Variants in RHO observed in about 807,000 individuals in gnomAD.
RHO encodes rhodopsin, also known as opsin 2, rod pigment.
In RHO, 21 loss-of-function variants were observed where a neutral mutation model predicts 31.2. The observed-to-expected ratio is 0.67, with a 90% confidence interval of 0.48 to 0.97. The LOEUF (loss-of-function observed/expected upper bound fraction) is 0.97, where lower values mean the gene tolerates loss of function less well. RHO is among the 50% of genes least tolerant of loss of function. The pLI is 0.00. For missense variants in RHO, 414 were observed against 479.5 expected (o/e 0.86, Z 1.28); for synonymous variants, 211 against 196.6 (o/e 1.07, Z -0.61).
Position 129,528,849 on chromosome 3 carries a change from T to G in RHO, c.116T>G (p.Met39Arg), listed in dbSNP as rs2084756915. 1 of 1,614,260 alleles carries G rather than the reference T, an allele frequency of 6.2e-7. No homozygotes were observed. Among genetic ancestry groups the G allele is most frequent in the Non-Finnish European group, 8.5e-7 (1 of 1,180,054 alleles). Residue 39 changes from methionine (M) to arginine (R), a missense_variant, in exon 1 of 5, where the codon ATG (methionine) becomes AGG (arginine). Met to Arg is a moderately conservative substitution (Grantham distance 91). Transcript: ENST00000296271. ...YYLAEPWQFS[M>R]LAAYMFLLIV... ...CTGGCTGAGCCATGGCAGTTCTCCA[T>G]GCTGGCCGCCTACATGTTTCTGCTG...
intron 1 of RHO, among the ~76,000 whole-genome samples, 199 bp downstream of exon 1, chr3:129,529,293 T>G (rs141844397): frequency 3.2e-4 from 48 of 152,378 alleles, no homozygotes; most frequent in African/African-American, 1.0e-3. Flanking sequence ...GGGCTGGCAC[T>G]GAACACTGCC....
intron 2 of RHO, 114 bp downstream of exon 2, chr3:129,531,158 GC>G (rs751167062): frequency 8.3e-7 from 1 of 1,199,160 alleles, no homozygotes; most frequent in South Asian, 1.3e-5. Flanking sequence ...ATGTCTCCTG[GC>G]CCAAATGCCC....
rs946701532 is a variant in RHO, at chr3:129,534,940, G to GT, written c.*1225dup. The GT allele has an allele frequency of 1.3e-5, 2 of 152,628 alleles. No individual in the cohort carries two copies. The highest frequency in any genetic ancestry group is 2.9e-5 in the Non-Finnish European group (2 of 68,052). The allele number at this position is 152,628 out of a possible 1,614,324, so 9.5% of individuals were successfully genotyped here. The stretch of plus-strand genomic sequence containing the variant: ...GGATGTTCATGGGCCCCAGTTTCCA[G>GT]TTTCCCTTGCCAGACAAGCCCATCT... On this transcript the variant is annotated 3_prime_UTR_variant, in exon 5 of 5. Coordinates refer to ENST00000296271, the MANE Select transcript of RHO (RefSeq NM_000539.3).
In RHO at chr3:129,533,610, C is replaced by T; in HGVS notation, c.939C>T (p.Phe313=). The T allele has an allele frequency of 6.2e-7, 1 of 1,612,920 alleles. No individual in the cohort carries two copies. The highest frequency in any genetic ancestry group is 8.5e-7 in the Non-Finnish European group (1 of 1,178,886). The change falls in exon 5 of 5, where the codon TTC becomes TTT. Residue 313 remains phenylalanine, a splice_region_variant and synonymous_variant. Transcript: ENST00000296271. ...GACTCAAGCCTCTTGCCTTCCAGTT[C>T]CGGAACTGCATGCTCACCACCATCT... ...PVIYIMMNKQ[F]RNCMLTTICC... is the part of the protein sequence containing the mutation.
In RHO at chr3:129,534,643, T is replaced by C. The variant is rs60645924; in HGVS notation, c.*925T>C. ...GCCAAGTTCCCAATGAGGGTGAGATTGGGCCTGGGGTCTCACCCCTAGTGT... is the reference window on the plus strand; with the variant it reads ...GCCAAGTTCCCAATGAGGGTGAGATCGGGCCTGGGGTCTCACCCCTAGTGT... On this transcript the variant is annotated 3_prime_UTR_variant, in exon 5 of 5. Coordinates refer to ENST00000296271, the MANE Select transcript of RHO (RefSeq NM_000539.3). 16,453 of 152,636 alleles carry C rather than the reference T, an allele frequency of 0.11. 1,351 individuals are homozygous for C. Among genetic ancestry groups the C allele is most frequent in the African/African-American group, 0.23 (9,507 of 41,490 alleles). The allele number at this position is 152,636 out of a possible 1,614,324, so 9.5% of individuals were successfully genotyped here.
intron 1 of RHO, among the ~76,000 whole-genome samples, chr3:129,530,559 C>CACACACACACACACAT: frequency 6.6e-6 from 1 of 151,824 alleles, no homozygotes; most frequent in Non-Finnish European, 1.5e-5. Flanking sequence ...CACACACACA[C>CACACACACACACACAT]ACACACACAA....
chr3:129,531,896 G>A (rs1294754691), intron 2 of RHO, among the ~76,000 whole-genome samples: 4 of 152,184 alleles, frequency 2.6e-5, no homozygotes, highest in Non-Finnish European at 5.9e-5. Context: ...ACCTCGGTTT[G>A]TACAAACTTC....
chr3:129,529,456 A>G (rs2084761679), intron 1 of RHO, among the ~76,000 whole-genome samples: 1 of 152,220 alleles, frequency 6.6e-6, no homozygotes, highest in African/African-American at 2.4e-5. Flanking sequence ...CCATGTTTGC[A>G]GCACCAAGCC....
chr3:129,532,465 C>T lies in RHO; in HGVS notation c.696+49C>T, dbSNP rs2084788117. 2 of 1,613,860 alleles carry T rather than the reference C, an allele frequency of 1.2e-6. No homozygotes were observed. Among genetic ancestry groups the T allele is most frequent in the Non-Finnish European group, 1.7e-6 (2 of 1,180,012 alleles). On this transcript the variant is annotated intron_variant, in intron 3 of 4. Coordinates refer to ENST00000296271, the MANE Select transcript of RHO (RefSeq NM_000539.3). The surrounding 1 kb of genome is among the most constrained non-coding windows in gnomAD (Gnocchi z 5.5). ...CTCACGGCTCTGAGGGTCCAGCCCCCAGCATGCATCTGCGGCTCCTGCTCC... is the reference window on the plus strand; with the variant it reads ...CTCACGGCTCTGAGGGTCCAGCCCCTAGCATGCATCTGCGGCTCCTGCTCC...
At position 129,528,994 on chromosome 3, in the gene RHO, C is replaced by A; in HGVS notation, c.261C>A (p.Val87=). The change falls in exon 1 of 5, where the codon GTC becomes GTA. Residue 87 remains valine, a synonymous_variant. Transcript: ENST00000296271. ...LNLAVADLFM[V]LGGFTSTLYT... ...TAGCCGTGGCTGACCTCTTCATGGT[C>A]CTAGGTGGCTTCACCAGCACCCTCT... 1 of 1,614,210 alleles carries A rather than the reference C, an allele frequency of 6.2e-7. No homozygotes were observed. Among genetic ancestry groups the A allele is most frequent in the Non-Finnish European group, 8.5e-7 (1 of 1,180,048 alleles).
At chr3:129,529,670 C>T (rs924141038) in intron 1 of RHO, among the ~76,000 whole-genome samples, 1 of 152,230 alleles carries the variant, frequency 6.6e-6, no homozygotes, top group Non-Finnish European at 1.5e-5. Context: ...CAGCCCCTGT[C>T]CTCAGGTGCC....
Position 129,528,722 on chromosome 3 carries a change from A to T in RHO, c.-12A>T. ...TGGGAGCAGCCACGGGTCAGCCACA[A>T]GGGCCACAGCCATGAATGGCACAGA... On this transcript the variant is annotated 5_prime_UTR_variant, in exon 1 of 5. It adds an upstream start codon to the 5' untranslated region. Coordinates refer to ENST00000296271, the MANE Select transcript of RHO (RefSeq NM_000539.3). The T allele has an allele frequency of 6.2e-7, 1 of 1,614,100 alleles. No homozygotes were observed. Among genetic ancestry groups the T allele is most frequent in the Non-Finnish European group, 8.5e-7 (1 of 1,180,010 alleles).
rs2084788050 is a variant in RHO, at chr3:129,532,461, C to G, written c.696+45C>G. On this transcript the variant is annotated intron_variant, in intron 3 of 4. Coordinates refer to ENST00000296271, the MANE Select transcript of RHO (RefSeq NM_000539.3). The surrounding 1 kb of genome is among the most constrained non-coding windows in gnomAD (Gnocchi z 5.5). ...CGGCCTCACGGCTCTGAGGGTCCAG[C>G]CCCCAGCATGCATCTGCGGCTCCTG... is the stretch of plus-strand genomic sequence containing the variant. 4 of 1,613,754 alleles carry G rather than the reference C, an allele frequency of 2.5e-6. No individual in the cohort carries two copies. The highest frequency in any genetic ancestry group is 1.7e-6 in the Non-Finnish European group (2 of 1,179,954).
intron 2 of RHO, among the ~76,000 whole-genome samples, chr3:129,531,992 TG>T (rs932797144): frequency 6.6e-6 from 1 of 152,182 alleles, no homozygotes; most frequent in Admixed American, 6.5e-5. Flanking sequence ...CAGTGGATGC[TG>T]GGGCTGGGCA....
rs1382867094 is a variant in RHO at position 129,534,172 on chromosome 3, C to T, written c.*454C>T. ...TCTCAGACCCTCGCAGCAGCAGCAACTCATACTTGGCTAATGATATGGAGC... is the reference window on the plus strand; with the variant it reads ...TCTCAGACCCTCGCAGCAGCAGCAATTCATACTTGGCTAATGATATGGAGC... On this transcript the variant is annotated 3_prime_UTR_variant, in exon 5 of 5. Coordinates refer to ENST00000296271, the MANE Select transcript of RHO (RefSeq NM_000539.3). The T allele has an allele frequency of 6.0e-6, 1 of 165,378 alleles. No homozygotes were observed. The highest frequency in any genetic ancestry group is 5.6e-5 in the Admixed American group (1 of 17,932). The allele number at this position is 165,378 out of a possible 1,614,324, so 10.2% of individuals were successfully genotyped here. A position where few individuals can be genotyped will look rare whatever the true frequency, so the allele number is the denominator to read the frequency against.
rs1369756734 is a variant in RHO at position 129,534,846 on chromosome 3, G to C, written c.*1128G>C. Reference sequence around the variant, plus strand: ...ACATTTAATTAACAGCTGAGTCCCTGATGTCATCCTTATCTCGAAGAGCTT... The same window carrying C: ...ACATTTAATTAACAGCTGAGTCCCTCATGTCATCCTTATCTCGAAGAGCTT... On this transcript the variant is annotated 3_prime_UTR_variant, in exon 5 of 5. Transcript: ENST00000296271. 6.6e-6 allele frequency: 1 copy of C among 152,666 alleles called. No individual in the cohort carries two copies. The highest frequency in any genetic ancestry group is 1.5e-5 in the Non-Finnish European group (1 of 68,062). 9.5% of individuals were successfully genotyped at this position (152,666 alleles called of 1,614,324 possible).
intron 2 of RHO, 129 bp downstream of exon 2, chr3:129,531,173 C>A: frequency 9.4e-7 from 1 of 1,067,632 alleles, no homozygotes; most frequent in Non-Finnish European, 1.4e-6. Flanking sequence ...AATGCCCACT[C>A]AGGGTAGGGG....
Position 129,532,037 on chromosome 3 carries a change from C to T in RHO, c.531-214C>T, listed in dbSNP as rs978344646. Among the ~76,000 whole-genome samples, 5 of 152,164 alleles carry T rather than the reference C, an allele frequency of 3.3e-5. No individual in the cohort carries two copies. The highest frequency in any genetic ancestry group is 2.4e-5 in the African/African-American group (1 of 41,432). ...GAGGCTGGGTGGTGTCATCTGGTAA[C>T]GCAGCCACCAAACAATGAAGCGACA... On this transcript the variant is annotated intron_variant, in intron 2 of 4. Transcript: ENST00000296271. This position sits in a 1 kb window ranked among gnomAD's most constrained non-coding sequence, Gnocchi z 5.5.
In RHO at chr3:129,528,781, G is replaced by T. The variant is rs766112074; in HGVS notation, c.48G>T (p.Ala16=). 2 of 1,614,210 alleles carry T rather than the reference G, an allele frequency of 1.2e-6. No homozygotes were observed. The highest frequency in any genetic ancestry group is 1.6e-4 in the Middle Eastern group (1 of 6,062). The change falls in exon 1 of 5, where the codon GCG becomes GCT. Residue 16 remains alanine (A), a synonymous_variant. Coordinates refer to ENST00000296271, the MANE Select transcript of RHO (RefSeq NM_000539.3). ...GPNFYVPFSN[A]TGVVRSPFEY... ...ACTTCTACGTGCCCTTCTCCAATGC[G>T]ACGGGTGTGGTACGCAGCCCCTTCG... is the stretch of plus-strand genomic sequence containing the variant.
Sources: gnomAD v4.1 joint callset for allele counts (sites outside exome capture counted in the v4.1 genomes callset) on GRCh38, gnomAD v4.1.1 for gene constraint, Gnocchi (gnomAD v3.1) non-coding constraint, MANE v1.5 for transcripts, NCBI Gene and HGNC (gene_info 2026-07-23, HGNC 2026-07-21) for gene names.